The following TUSC3 variants were observed in gnomAD, a reference collection of about 807,000 sequenced individuals.
TUSC3 encodes tumor suppressor candidate 3, also known as dolichyl-diphosphooligosaccharide--protein glycosyltransferase subunit TUSC3.
A neutral mutation model predicts 44.8 loss-of-function variants in TUSC3; 45 were observed. The ratio of observed to expected loss-of-function variants is 1.00; its 90% CI spans 0.79 to 1.29. The LOEUF (loss-of-function observed/expected upper bound fraction) is 1.29, where lower values mean the gene tolerates loss of function less well. TUSC3 is among the 50% of genes most tolerant of loss of function. The pLI, the probability that TUSC3 is intolerant of heterozygous loss-of-function variation, is 0.00. For synonymous variants in TUSC3, 212 were observed against 152.9 expected (o/e 1.39, Z -2.85); for missense variants, 519 against 437.9 (o/e 1.19, Z -1.65).
intron 2 of TUSC3, among the ~76,000 whole-genome samples, chr8:15,642,292 A>G (rs971319585): frequency 1.3e-5 from 2 of 152,222 alleles, no homozygotes; most frequent in South Asian, 2.1e-4. Flanking sequence ...TAAGAATAGT[A>G]TGTGAATCTC....
At chr8:15,535,674 A>AGG (rs1375891372), upstream of TUSC3, among the ~76,000 whole-genome samples, 29 of 152,298 alleles carry the variant, frequency 1.9e-4, no homozygotes, top group African/African-American at 6.7e-4. Flanking sequence ...TGTCCCATGG[A>AGG]GTTTGCATCC....
intron 2 of TUSC3, among the ~76,000 whole-genome samples, chr8:15,518,239 C>A (rs1341138680): frequency 6.6e-6 from 1 of 151,962 alleles, no homozygotes; most frequent in Non-Finnish European, 1.5e-5. Flanking sequence ...TCAATATTAC[C>A]TTTTCTCATG....
chr8:15,432,610 A>G (rs10282994), intron 1 of TUSC3, among the ~76,000 whole-genome samples: 25,070 of 152,120 alleles, frequency 0.16, 2,127 homozygotes, highest in Middle Eastern at 0.22. Flanking sequence ...AGAAAGTGCT[A>G]TAAAGAAGCC....
chr8:15,677,390 T>G (rs1396430686), intron 6 of TUSC3, among the ~76,000 whole-genome samples: 2 of 152,196 alleles, frequency 1.3e-5, no homozygotes, highest in Non-Finnish European at 2.9e-5. Flanking sequence ...TAAGAGAAAG[T>G]AAAGACTCTG....
chr8:15,630,366 A>G (rs1455032695), intron 2 of TUSC3, among the ~76,000 whole-genome samples: 2 of 152,172 alleles, frequency 1.3e-5, no homozygotes, highest in African/African-American at 2.4e-5. Flanking sequence ...CATATTAACT[A>G]ACATTTATTC....
At chr8:15,812,824 G>T in the TUSC3 span, among the ~76,000 whole-genome samples, 17 of 152,144 alleles carry the variant, frequency 1.1e-4, no homozygotes, top group African/African-American at 4.1e-4. Context: ...GGCTGGGTGT[G>T]TTGGTTCACG....
Position 15,662,178 on chromosome 8 carries a change from A to T in TUSC3, c.590A>T (p.Asn197Ile). ...DVHIRVFRPP[N>I]YSGTIALALL... Reference sequence around the variant, plus strand: ...CAGATTCGGGTTTTCAGACCACCCAACTACTCTGGTACCATTGCTTTGGCC... The same window carrying T: ...CAGATTCGGGTTTTCAGACCACCCATCTACTCTGGTACCATTGCTTTGGCC... The change falls in exon 5 of 11, where the codon AAC becomes ATC. Residue 197 changes from asparagine (N) to isoleucine (I), a missense_variant. Coordinates refer to ENST00000503731, the MANE Select transcript of TUSC3 (RefSeq NM_006765.4). The T allele has an allele frequency of 6.2e-7, 1 of 1,612,928 alleles. No individual in the cohort carries two copies. The highest frequency in any genetic ancestry group is 8.5e-7 in the Non-Finnish European group (1 of 1,179,244).
At chr8:15,691,143 A>G (rs1808883085) in intron 6 of TUSC3, among the ~76,000 whole-genome samples, 1 of 151,992 alleles carries the variant, frequency 6.6e-6, no homozygotes, top group South Asian at 2.1e-4. Context: ...TGAACATGAA[A>G]TGTTTTTCCA....
chr8:15,691,937 T>C lies in TUSC3; in HGVS notation c.798+18101T>C, dbSNP rs3988421. Among the ~76,000 whole-genome samples, 906 of 152,128 alleles carry C rather than the reference T, an allele frequency of 6.0e-3. 9 individuals are homozygous for C. Among genetic ancestry groups the C allele is most frequent in the African/African-American group, 0.02 (846 of 41,508 alleles). On this transcript the variant is annotated intron_variant, in intron 6 of 10. Coordinates refer to ENST00000503731, the MANE Select transcript of TUSC3 (RefSeq NM_006765.4). ...CTGGGATTACAGGTGCTTGCCACCA[T>C]GCCTGGCTAATTTTTGTATTTTTAG...
intron 1 of TUSC3, among the ~76,000 whole-genome samples, chr8:15,461,958 A>T (rs17121468): frequency 0.011 from 1,668 of 152,182 alleles, 33 homozygotes; most frequent in African/African-American, 0.037. Flanking sequence ...AAGATGAAAA[A>T]TAAGTGCTTC....
chr8:15,727,251 C>CT (rs1810532028), intron 6 of TUSC3, among the ~76,000 whole-genome samples: 1 of 152,066 alleles, frequency 6.6e-6, no homozygotes, highest in African/African-American at 2.4e-5. Flanking sequence ...TAAATGAAAG[C>CT]TAACTATCTA....
At chr8:15,718,556 A>C (rs1810154726) in intron 6 of TUSC3, among the ~76,000 whole-genome samples, 1 of 152,120 alleles carries the variant, frequency 6.6e-6, no homozygotes, top group Non-Finnish European at 1.5e-5. Flanking sequence ...TTTCATGTAA[A>C]AGAGCTGTTG....
intron 3 of TUSC3, among the ~76,000 whole-genome samples, chr8:15,657,139 C>T (rs1387883744): frequency 6.6e-6 from 1 of 152,200 alleles, no homozygotes; most frequent in African/African-American, 2.4e-5. Flanking sequence ...CTTTCCATCT[C>T]TGCTAATCTC....
chr8:15,442,752 T>C (rs1585791068), intron 1 of TUSC3, among the ~76,000 whole-genome samples: 1 of 152,182 alleles, frequency 6.6e-6, no homozygotes, highest in Admixed American at 6.5e-5. Context: ...ATGAATGTCA[T>C]TGATAACAAA....
the TUSC3 span, among the ~76,000 whole-genome samples, chr8:15,785,256 G>A: frequency 2.0e-5 from 3 of 151,666 alleles, no homozygotes; most frequent in East Asian, 5.8e-4. Flanking sequence ...TATATAGAAA[G>A]AAACTGTAAA....
Position 15,462,486 on chromosome 8 carries a change from C to G in TUSC3, n.92-20900C>G, listed in dbSNP as rs181698820. On this transcript the variant is annotated intron_variant and non_coding_transcript_variant, in intron 1 of 5. Transcript: ENST00000503191. ...GAGTCAGGTTTTGAAACTATGCAGA[C>G]TAGATCATAGCCTCTACACAACGAC... Among the ~76,000 whole-genome samples the G allele has an allele frequency of 2.3e-3, 349 of 152,146 alleles. 1 individual carries two copies. The highest frequency in any genetic ancestry group is 0.02 in the South Asian group (98 of 4,826).
chr8:15,551,471 G>T (rs1181356952), intron 1 of TUSC3, among the ~76,000 whole-genome samples: 1 of 151,570 alleles, frequency 6.6e-6, no homozygotes, highest in Non-Finnish European at 1.5e-5. Flanking sequence ...TATATGATTC[G>T]TGGGGGGTAA....
rs530491467 is a variant in TUSC3, at chr8:15,686,135, A to T, written c.798+12299A>T. 2.0e-5 allele frequency among the ~76,000 whole-genome samples: 3 copies of T among 152,340 alleles called. No homozygotes were observed. In the South Asian group the frequency reaches 6.2e-4, roughly 32 times the overall value. On this transcript the variant is annotated intron_variant, in intron 6 of 10. Transcript: ENST00000503731. Reference sequence around the variant, plus strand: ...GGTCCACTTAACAGCATGAAAATCAACACAAAAGCAGTCATTATTGTGTAG... The same window carrying T: ...GGTCCACTTAACAGCATGAAAATCATCACAAAAGCAGTCATTATTGTGTAG...
intron 1 of TUSC3, among the ~76,000 whole-genome samples, chr8:15,479,847 G>A (rs936653202): frequency 1.1e-4 from 17 of 152,148 alleles, no homozygotes; most frequent in African/African-American, 4.1e-4. Context: ...AATAAGAAGA[G>A]AGGAAGTCAA....
Sources: gnomAD v4.1 joint callset for allele counts (sites outside exome capture counted in the v4.1 genomes callset) on GRCh38, gnomAD v4.1.1 for gene constraint, MANE v1.5 for transcripts, NCBI Gene and HGNC (gene_info 2026-07-23, HGNC 2026-07-21) for gene names.